The following NRXN3 variants were observed in gnomAD, a reference collection of about 807,000 sequenced individuals.
NRXN3 encodes the protein neurexin III.
Under a neutral mutation model 137.6 loss-of-function variants are expected in NRXN3, and 32 were observed. The ratio of observed to expected loss-of-function variants is 0.23; its 90% CI spans 0.18 to 0.31. The LOEUF (loss-of-function observed/expected upper bound fraction) is 0.31. Ranked by LOEUF, NRXN3 falls within the 10% of genes least tolerant of loss-of-function variation. NRXN3 has a pLI of 1.00. For synonymous variants in NRXN3, 798 were observed against 784.5 expected (o/e 1.02, Z -0.29); for missense variants, 1,574 against 2,062.5 (o/e 0.76, Z 4.59).
At chr14:79,182,942 T>A (rs974911508) in intron 15 of NRXN3, among the ~76,000 whole-genome samples, 1 of 152,144 alleles carries the variant, frequency 6.6e-6, no homozygotes, top group African/African-American at 2.4e-5. Flanking sequence ...AAATGGGAAG[T>A]GACTTTGAGA....
chr14:79,325,493 G>A lies in NRXN3; in HGVS notation c.3263-141728G>A, dbSNP rs116058146. ...TAGCAAACAGTGGTAGACAAGTCAA[G>A]GGTCTATAATTGCGTATAAACAGAA... On this transcript the variant is annotated intron_variant, in intron 15 of 20. Coordinates refer to ENST00000335750, the MANE Select transcript of NRXN3 (RefSeq NM_001330195.2). 8.7e-3 allele frequency among the ~76,000 whole-genome samples: 1,328 copies of A among 152,284 alleles called. 20 individuals are homozygous for A. Among genetic ancestry groups the A allele is most frequent in the African/African-American group, 0.03 (1,254 of 41,550 alleles).
chr14:78,524,337 C>T (rs1181019633), intron 4 of NRXN3, among the ~76,000 whole-genome samples: 6 of 152,216 alleles, frequency 3.9e-5, no homozygotes, highest in African/African-American at 1.4e-4. Context: ...AGTGCTATAT[C>T]TGTGCATTTT....
chr14:78,466,815 C>T (rs374769420), intron 4 of NRXN3, among the ~76,000 whole-genome samples: 1 of 152,104 alleles, frequency 6.6e-6, no homozygotes, highest in Non-Finnish European at 1.5e-5. Flanking sequence ...TTCAACTTTA[C>T]GGTGTGAACA....
intron 15 of NRXN3, among the ~76,000 whole-genome samples, chr14:79,352,296 T>C (rs182803059): frequency 6.6e-6 from 1 of 152,134 alleles, no homozygotes; most frequent in Non-Finnish European, 1.5e-5. Flanking sequence ...CTGAAACATC[T>C]GGTTGTGTAG....
At chr14:79,478,578 G>T (rs2096580261) in intron 16 of NRXN3, among the ~76,000 whole-genome samples, 1 of 152,124 alleles carries the variant, frequency 6.6e-6, no homozygotes, top group African/African-American at 2.4e-5. Context: ...GTTACCCTAT[G>T]TAAATGGTAG....
At chr14:78,919,035 T>C (rs956108311) in intron 10 of NRXN3, among the ~76,000 whole-genome samples, 1 of 152,198 alleles carries the variant, frequency 6.6e-6, no homozygotes, top group Non-Finnish European at 1.5e-5. Context: ...CCAAATATAA[T>C]TGGTAAACTA....
intron 4 of NRXN3, among the ~76,000 whole-genome samples, chr14:78,624,132 A>G (rs552644680): frequency 1.8e-4 from 27 of 152,226 alleles, no homozygotes; most frequent in Non-Finnish European, 3.8e-4. Flanking sequence ...CTTTACATAT[A>G]TAGCTGAATA....
chr14:78,942,728 T>C (rs2099355502), intron 10 of NRXN3, among the ~76,000 whole-genome samples: 1 of 152,034 alleles, frequency 6.6e-6, no homozygotes, highest in African/African-American at 2.4e-5. Flanking sequence ...GATACAACAA[T>C]ATACAGTTTC....
At chr14:79,198,076 C>A (rs1256284559) in intron 15 of NRXN3, among the ~76,000 whole-genome samples, 1 of 152,186 alleles carries the variant, frequency 6.6e-6, no homozygotes, top group Non-Finnish European at 1.5e-5. Context: ...CCAGTCCCAT[C>A]TTCAGGTTCC....
chr14:78,595,831 C>G (rs2097153581), intron 4 of NRXN3, among the ~76,000 whole-genome samples: 1 of 151,946 alleles, frequency 6.6e-6, no homozygotes, highest in Non-Finnish European at 1.5e-5. Flanking sequence ...ACTCATCAAA[C>G]TATTCCTGGG....
chr14:79,094,892 AT>A (rs2049944386), intron 15 of NRXN3, among the ~76,000 whole-genome samples: 1 of 151,942 alleles, frequency 6.6e-6, no homozygotes, highest in African/African-American at 2.4e-5. Context: ...GATTAAAAAA[AT>A]GAGCCTTTTT....
At position 79,358,585 on chromosome 14, in the gene NRXN3, GAGAAAGAAAGAAAGAAAGAAAGAGAA is replaced by G. The variant is rs1566901698; in HGVS notation, c.3263-108612_3263-108587del. ...AAAAAAAAAAAAAAAGAAAGAAAGA[GAGAAAGAAAGAAAGAAAGAAAGAGAA>G]AGAAAGAAAGAAAGAAAGAAAGAAA... On this transcript the variant is annotated intron_variant, in intron 15 of 20. Transcript: ENST00000335750. Among the ~76,000 whole-genome samples the G allele has an allele frequency of 2.3e-4, 18 of 78,100 alleles. No homozygotes were observed. The East Asian group carries it at 3.3e-3, about 14-fold the overall frequency. 51.2% of individuals were successfully genotyped at this position (78,100 alleles called of 152,430 possible).
chr14:78,958,644 C>T (rs967925751), intron 11 of NRXN3, among the ~76,000 whole-genome samples: 7 of 152,178 alleles, frequency 4.6e-5, no homozygotes, highest in African/African-American at 1.7e-4. Flanking sequence ...CGTGAGCCAT[C>T]GCGCCAGGCC....
At chr14:79,344,042 C>A (rs565772401) in intron 15 of NRXN3, among the ~76,000 whole-genome samples, 2 of 152,246 alleles carry the variant, frequency 1.3e-5, no homozygotes, top group South Asian at 4.1e-4. Flanking sequence ...GAATAAAATT[C>A]TGGGAAGAGA....
At chr14:79,828,171 T>C (rs528663325) in intron 20 of NRXN3, among the ~76,000 whole-genome samples, 1 of 152,308 alleles carries the variant, frequency 6.6e-6, no homozygotes, top group African/African-American at 2.4e-5. Context: ...AGGAATTAAG[T>C]AGGCTTTGCT....
intron 4 of NRXN3, among the ~76,000 whole-genome samples, chr14:78,348,922 T>C (rs1219838777): frequency 6.6e-6 from 1 of 152,192 alleles, no homozygotes; most frequent in East Asian, 1.9e-4. Context: ...ACCGAGGTCA[T>C]GTTACAACTA....
At chr14:79,205,595 C>T (rs2066674804) in intron 15 of NRXN3, among the ~76,000 whole-genome samples, 1 of 152,100 alleles carries the variant, frequency 6.6e-6, no homozygotes, top group Non-Finnish European at 1.5e-5. Flanking sequence ...TCATCAATCA[C>T]CATTATTGTA....
intron 15 of NRXN3, among the ~76,000 whole-genome samples, chr14:79,358,394 C>A (rs1415313294): frequency 4.0e-5 from 6 of 151,254 alleles, no homozygotes; most frequent in Non-Finnish European, 8.8e-5. Flanking sequence ...CATGGTGAAA[C>A]CCCGTCTCTA....
intron 15 of NRXN3, among the ~76,000 whole-genome samples, chr14:79,364,370 T>C (rs961925813): frequency 6.6e-6 from 1 of 152,228 alleles, no homozygotes; most frequent in African/African-American, 2.4e-5. Flanking sequence ...TTACATTACT[T>C]ACACCTCTTT....
Sources: gnomAD v4.1 joint callset for allele counts (sites outside exome capture counted in the v4.1 genomes callset) on GRCh38, gnomAD v4.1.1 for gene constraint, MANE v1.5 for transcripts, NCBI Gene and HGNC (gene_info 2026-07-23, HGNC 2026-07-21) for gene names.